Variants in FGL1 observed in about 807,000 individuals in gnomAD.
FGL1 encodes the protein fibrinogen like 1.
FGL1 carries 59 observed loss-of-function variants against 43.7 expected under a neutral mutation model. That is an observed-to-expected ratio of 1.35 (90% confidence interval 1.10 to 1.68). The LOEUF (loss-of-function observed/expected upper bound fraction) is 1.68, where lower values mean the gene tolerates loss of function less well. Ranked by LOEUF, FGL1 falls within the 40% of genes most tolerant of loss-of-function variation. FGL1 has a pLI of 0.00. For synonymous variants in FGL1, 192 were observed against 126.5 expected, an observed-to-expected ratio of 1.52 and a Z score of -3.48; for missense variants, 596 against 373.0, an observed-to-expected ratio of 1.60 and a Z score of -4.92.
intron 7 of FGL1, among the ~76,000 whole-genome samples, chr8:17,868,120 C>A (rs953208709): frequency 6.6e-6 from 1 of 152,108 alleles, no homozygotes; most frequent in African/African-American, 2.4e-5. Flanking sequence ...TTAATGAAAG[C>A]CATAGTGATT....
intron 2 of FGL1, 142 bp from the exon 3 acceptor site, chr8:17,882,321 A>G (rs940771870): frequency 1.0e-5 from 8 of 783,140 alleles, no homozygotes; most frequent in Admixed American, 6.4e-5. Flanking sequence ...AAGTGGCTTG[A>G]AAAGTTCTAA....
intron 2 of FGL1, among the ~76,000 whole-genome samples, chr8:17,882,812 A>G (rs1401587283): frequency 8.8e-6 from 1 of 113,206 alleles, no homozygotes. Context: ...TAAACAATAT[A>G]TAATATATCA....
At chr8:17,878,964 T>C (rs1230761083) in intron 3 of FGL1, among the ~76,000 whole-genome samples, 3 of 150,880 alleles carry the variant, frequency 2.0e-5, no homozygotes, top group Admixed American at 6.6e-5. Flanking sequence ...TTATTGAGTA[T>C]CTGTTCTTAG....
At chr8:17,882,966 A>G (rs185206765) in intron 2 of FGL1, among the ~76,000 whole-genome samples, 4,067 of 45,926 alleles carry the variant, frequency 0.089, 286 homozygotes, top group African/African-American at 0.11. Flanking sequence ...TATATCATAT[A>G]TAATATATTA....
rs544430100 is a variant in FGL1, at chr8:17,893,384, G to A, written c.-18+2063C>T. Among the ~76,000 whole-genome samples the A allele has an allele frequency of 3.3e-5, 5 of 150,736 alleles. No individual in the cohort carries two copies. The South Asian group carries it at 1.0e-3, about 32-fold the overall frequency. ...ACACTGTATATATACGTATATGTAT[G>A]AACATAACATTATTATACATAATAT... On this transcript the variant is annotated intron_variant, in intron 1 of 7. Transcript: ENST00000427924.
At chr8:17,883,046 A>G (rs2053566552) in intron 2 of FGL1, among the ~76,000 whole-genome samples, 1 of 93,176 alleles carries the variant, frequency 1.1e-5, no homozygotes, top group East Asian at 3.2e-4. Context: ...TATTAAATAT[A>G]TAATATATAT....
At chr8:17,893,205 A>T (rs1563464809) in intron 1 of FGL1, among the ~76,000 whole-genome samples, 1 of 152,138 alleles carries the variant, frequency 6.6e-6, no homozygotes, top group Non-Finnish European at 1.5e-5. Flanking sequence ...CATCTCAAAA[A>T]ACAAACAAAC....
intron 3 of FGL1, among the ~76,000 whole-genome samples, chr8:17,876,249 A>C (rs901390007): frequency 2.0e-5 from 3 of 152,196 alleles, no homozygotes; most frequent in Admixed American, 6.5e-5. Context: ...TTTAAAAACA[A>C]ATGTTCATTG....
At chr8:17,873,517 T>C (rs989194497) in intron 5 of FGL1, among the ~76,000 whole-genome samples, 5 of 152,114 alleles carry the variant, frequency 3.3e-5, no homozygotes, top group Non-Finnish European at 5.9e-5. Flanking sequence ...TGGTTGTTGA[T>C]TTTAAGCCAC....
At chr8:17,895,354 G>A in intron 1 of FGL1, 93 bp downstream of exon 1, 3 of 1,216,478 alleles carry the variant, frequency 2.5e-6, no homozygotes, top group South Asian at 1.5e-5. Flanking sequence ...AAAGCTAATG[G>A]TTGTTACCTG....
chr8:17,895,376 C>G (rs756351178), intron 1 of FGL1, 71 bp downstream of exon 1: 3 of 1,268,878 alleles, frequency 2.4e-6, no homozygotes, highest in East Asian at 5.7e-5. Context: ...GTTTTGGTTA[C>G]TATCATACCT....
intron 7 of FGL1, among the ~76,000 whole-genome samples, chr8:17,866,049 T>G (rs568612155): frequency 2.0e-5 from 3 of 152,160 alleles, no homozygotes; most frequent in African/African-American, 7.2e-5. Context: ...GTAAATTGAG[T>G]CTCCAGAATA....
chr8:17,865,869 G>C (rs2053262779), intron 7 of FGL1, among the ~76,000 whole-genome samples: 2 of 150,780 alleles, frequency 1.3e-5, no homozygotes, highest in Non-Finnish European at 2.9e-5. Flanking sequence ...CTGAGTGGCT[G>C]GCTTGAATCA....
At position 17,887,540 on chromosome 8, in the gene FGL1, C is replaced by T. The variant is rs905768558; in HGVS notation, c.-17-1969G>A. On this transcript the variant is annotated intron_variant, in intron 1 of 7. Transcript: ENST00000427924. ...TTAGTCATGACTTAACCCTTTCACC[C>T]AACACTGTGAACAAAATAACCAAGA... Among the ~76,000 whole-genome samples the T allele has an allele frequency of 2.0e-5, 3 of 152,110 alleles. No homozygotes were observed. The South Asian group carries it at 6.2e-4, about 31-fold the overall frequency.
rs2053411917 is a variant in FGL1 at position 17,874,386 on chromosome 8, G to A, written c.380C>T (p.Ser127Phe). 6.2e-7 allele frequency: 1 copy of A among 1,613,626 alleles called. No homozygotes were observed. The highest frequency in any genetic ancestry group is 1.3e-5 in the African/African-American group (1 of 75,008). ...GGGWTVIQRR[S>F]DGSENFNRGW... ...CCTGTTAAAGTTTTCACTGCCATCA[G>A]ATCGTCTCTGAATTACAGTCCATCC... Residue 127 changes from serine to phenylalanine, a missense_variant, in exon 4 of 8, where the codon TCT (serine) becomes TTT (phenylalanine). Physicochemically the swap from Ser to Phe is radical, Grantham distance 155. Coordinates refer to ENST00000427924, the MANE Select transcript of FGL1 (RefSeq NM_004467.4).
chr8:17,894,037 C>T (rs1192956108), intron 1 of FGL1, among the ~76,000 whole-genome samples: 3 of 146,048 alleles, frequency 2.1e-5, no homozygotes, highest in African/African-American at 8.1e-5. Flanking sequence ...ATTCTAATTC[C>T]TTCCCCACTA....
At chr8:17,881,561 C>T (rs907737906) in intron 3 of FGL1, among the ~76,000 whole-genome samples, 2 of 149,466 alleles carry the variant, frequency 1.3e-5, no homozygotes, top group African/African-American at 2.5e-5. Context: ...CGGCTGGGCA[C>T]GGTGGCTCAC....
chr8:17,895,503 C>G lies in FGL1; in HGVS notation c.-74G>C, dbSNP rs1219528164. 7.8e-7 allele frequency: 1 copy of G among 1,286,948 alleles called. No individual in the cohort carries two copies. Among genetic ancestry groups the G allele is most frequent in the African/African-American group, 1.5e-5 (1 of 65,788 alleles). The allele number at this position is 1,286,948 out of a possible 1,614,324, so 79.7% of individuals were successfully genotyped here. A position where few individuals can be genotyped will look rare whatever the true frequency, so the allele number is the denominator to read the frequency against. The stretch of plus-strand genomic sequence containing the variant: ...CAGGTTCCATCCAGACACTCTGCTT[C>G]CCAGGATCCTGTAACTGCATTGGGA... On this transcript the variant is annotated 5_prime_UTR_variant, in exon 1 of 8. Transcript: ENST00000427924.
chr8:17,871,491 CAA>C (rs11445398), intron 5 of FGL1, among the ~76,000 whole-genome samples: 1 of 131,968 alleles, frequency 7.6e-6, no homozygotes. Context: ...AAATCTGTCT[CAA>C]AAAAAAAAAC....
Sources: allele counts gnomAD v4.1 joint callset (sites outside exome capture counted in the v4.1 genomes callset), GRCh38; gene constraint gnomAD v4.1.1; transcripts MANE v1.5; gene names NCBI Gene and HGNC (gene_info 2026-07-23, HGNC 2026-07-21).